PTPN4: variants seen among roughly 807,000 people sequenced by gnomAD.
The protein encoded by PTPN4 is protein tyrosine phosphatase non-receptor type 4, also known as tyrosine-protein phosphatase non-receptor type 4.
In PTPN4, 49 loss-of-function variants were observed where a neutral mutation model predicts 135.5. The ratio of observed to expected loss-of-function variants is 0.36; its 90% CI spans 0.29 to 0.46. The LOEUF is 0.46. Ranked by LOEUF, PTPN4 falls within the 20% of genes least tolerant of loss-of-function variation. PTPN4 has a pLI of 1.00. For missense variants in PTPN4, 860 were observed against 1,101.0 expected, an observed-to-expected ratio of 0.78 and a Z score of 3.10; for synonymous variants, 333 against 369.9, an observed-to-expected ratio of 0.90 and a Z score of 1.14.
chr2:119,969,552 C>T (rs1420640817), intron 26 of PTPN4, among the ~76,000 whole-genome samples: 179 of 113,776 alleles, frequency 1.6e-3, no homozygotes, highest in Admixed American at 2.0e-3. Flanking sequence ...TAATCAATTT[C>T]TTTTTTTTTT....
At chr2:119,823,436 T>C (rs1677100654) in intron 2 of PTPN4, among the ~76,000 whole-genome samples, 2 of 152,262 alleles carry the variant, frequency 1.3e-5, no homozygotes, top group Admixed American at 1.3e-4. Context: ...GGTTTCACCA[T>C]ATTAGCCAGG....
Position 119,978,482 on chromosome 2 carries a change from A to G in PTPN4, c.*1412A>G, listed in dbSNP as rs1679649367. 6.6e-6 allele frequency: 1 copy of G among 152,142 alleles called. No individual in the cohort carries two copies. The highest frequency in any genetic ancestry group is 2.4e-5 in the African/African-American group (1 of 41,448). The allele number at this position is 152,142 out of a possible 1,614,324, so 9.4% of individuals were successfully genotyped here. A position where few individuals can be genotyped will look rare whatever the true frequency, so the allele number is the denominator to read the frequency against. On this transcript the variant is annotated 3_prime_UTR_variant, in exon 27 of 27. Coordinates refer to ENST00000263708, the MANE Select transcript of PTPN4 (RefSeq NM_002830.4). Reference sequence around the variant, plus strand: ...CCATTTTATATATACTTATTAAGTTATAAGCATGTTAATAAGGAGACTTTT... The same window carrying G: ...CCATTTTATATATACTTATTAAGTTGTAAGCATGTTAATAAGGAGACTTTT...
Position 119,959,409 on chromosome 2 carries a change from A to AT in PTPN4, c.2134-1397dup, listed in dbSNP as rs1395072828. Among the ~76,000 whole-genome samples, 7 of 152,262 alleles carry AT rather than the reference A, an allele frequency of 4.6e-5. No homozygotes were observed. The East Asian group carries it at 1.3e-3, about 29-fold the overall frequency. ...AAGAGCAAAAGTTTGGTAATACTACATGTAGGTCCACATCCTTTATGTGAA... is the reference window on the plus strand; with the variant it reads ...AAGAGCAAAAGTTTGGTAATACTACATTGTAGGTCCACATCCTTTATGTGAA... On this transcript the variant is annotated intron_variant, in intron 22 of 26. Transcript: ENST00000263708.
intron 1 of PTPN4, among the ~76,000 whole-genome samples, chr2:119,796,979 T>G (rs972439910): frequency 2.0e-5 from 3 of 152,188 alleles, no homozygotes; most frequent in African/African-American, 7.2e-5. Context: ...TGAGCATCTT[T>G]TTGTATGGTT....
chr2:119,800,313 G>A (rs568557991), intron 1 of PTPN4, among the ~76,000 whole-genome samples: 308 of 152,162 alleles, frequency 2.0e-3, no homozygotes, highest in Middle Eastern at 3.4e-3. Context: ...TCTCATAATG[G>A]TCTTAATTTA....
At chr2:119,973,655 G>GTTTTTCTTTTTTTTT (rs1679569038) in intron 26 of PTPN4, among the ~76,000 whole-genome samples, 1 of 38,394 alleles carries the variant, frequency 2.6e-5, no homozygotes, top group Non-Finnish European at 4.2e-5. Flanking sequence ...TTCATTTCTT[G>GTTTTTCTTTTTTTTT]TTTTTTTTTT....
At chr2:119,932,225 T>A in intron 13 of PTPN4, 199 bp from the exon 14 acceptor site, 1 of 411,806 alleles carries the variant, frequency 2.4e-6, no homozygotes, top group Non-Finnish European at 4.3e-6. Flanking sequence ...CTGTCTTACC[T>A]TTATTCTTCA....
intron 3 of PTPN4, among the ~76,000 whole-genome samples, chr2:119,863,066 C>A (rs1265187184): frequency 2.0e-5 from 3 of 151,772 alleles, no homozygotes; most frequent in Non-Finnish European, 2.9e-5. Context: ...GTCAAATTTC[C>A]AAATTTCATC....
chr2:119,965,897 A>G (rs111655301), intron 25 of PTPN4, among the ~76,000 whole-genome samples: 170 of 152,286 alleles, frequency 1.1e-3, no homozygotes, highest in African/African-American at 3.6e-3. Flanking sequence ...CACCTCTGAA[A>G]TTGGTCTTAA....
intron 2 of PTPN4, among the ~76,000 whole-genome samples, chr2:119,811,836 A>G (rs1298653936): frequency 6.6e-6 from 1 of 151,978 alleles, no homozygotes; most frequent in Non-Finnish European, 1.5e-5. Context: ...GTAGTAATCA[A>G]TGTGCTGTCT....
chr2:119,905,603 A>G (rs757681799), intron 10 of PTPN4, among the ~76,000 whole-genome samples: 6 of 152,224 alleles, frequency 3.9e-5, no homozygotes, highest in Non-Finnish European at 7.3e-5. Context: ...TCTGCACGGT[A>G]GACCAAAGGA....
intron 1 of PTPN4, among the ~76,000 whole-genome samples, chr2:119,780,628 T>C (rs1690919526): frequency 6.6e-6 from 1 of 152,228 alleles, no homozygotes; most frequent in East Asian, 1.9e-4. Context: ...TAGATTCAAG[T>C]TAAACATTTT....
At chr2:119,868,593 A>G (rs1459923177) in intron 3 of PTPN4, among the ~76,000 whole-genome samples, 3 of 152,180 alleles carry the variant, frequency 2.0e-5, no homozygotes, top group Non-Finnish European at 4.4e-5. Context: ...GAATGAGGGC[A>G]AGGAACACCT....
intron 8 of PTPN4, among the ~76,000 whole-genome samples, chr2:119,885,283 T>G (rs1269022740): frequency 6.6e-6 from 1 of 152,032 alleles, no homozygotes; most frequent in Non-Finnish European, 1.5e-5. Context: ...TTTTGTTTTG[T>G]TTTTTTGCTG....
At chr2:119,907,727 A>G (rs1234086212) in intron 10 of PTPN4, among the ~76,000 whole-genome samples, 2 of 152,220 alleles carry the variant, frequency 1.3e-5, no homozygotes, top group East Asian at 1.9e-4. Flanking sequence ...AGTATTCACA[A>G]CAGCATGGTA....
intron 2 of PTPN4, among the ~76,000 whole-genome samples, chr2:119,845,893 T>G (rs980173830): frequency 2.6e-5 from 4 of 152,342 alleles, no homozygotes; most frequent in Admixed American, 2.6e-4. Context: ...TATCTTCATT[T>G]TCATTTATAT....
chr2:119,779,209 A>C (rs1285242902), intron 1 of PTPN4, among the ~76,000 whole-genome samples: 1 of 152,230 alleles, frequency 6.6e-6, no homozygotes, highest in Non-Finnish European at 1.5e-5. Flanking sequence ...AAGTTAGTCC[A>C]TTATCTTATA....
intron 10 of PTPN4, among the ~76,000 whole-genome samples, chr2:119,911,066 G>A (rs1678563935): frequency 1.3e-5 from 2 of 152,032 alleles, no homozygotes; most frequent in Admixed American, 6.6e-5. Context: ...AGAACTCCAG[G>A]CCCCTTGTTG....
intron 1 of PTPN4, among the ~76,000 whole-genome samples, chr2:119,788,129 G>A (rs765612582): frequency 3.9e-5 from 6 of 151,930 alleles, no homozygotes; most frequent in African/African-American, 1.2e-4. Context: ...TGATGTGTTC[G>A]TAAGAAAACT....
Sources: allele counts gnomAD v4.1 joint callset (sites outside exome capture counted in the v4.1 genomes callset), GRCh38; gene constraint gnomAD v4.1.1; transcripts MANE v1.5; gene names NCBI Gene and HGNC (gene_info 2026-07-23, HGNC 2026-07-21).